SLC16A12: variants seen among roughly 807,000 people sequenced by gnomAD.
The protein encoded by SLC16A12 is monocarboxylate transporter 12.
In SLC16A12, 17 loss-of-function variants were observed where a neutral mutation model predicts 42.4. The ratio of observed to expected loss-of-function variants is 0.40; its 90% CI spans 0.27 to 0.60. SLC16A12 has a LOEUF of 0.60. Among genes scored for constraint, SLC16A12 ranks in the 20% least tolerant of loss-of-function variants. SLC16A12 has a pLI of 0.42. For synonymous variants in SLC16A12, 224 were observed against 229.4 expected (o/e 0.98, Z 0.21); for missense variants, 544 against 623.0 (o/e 0.87, Z 1.35).
chr10:89,437,663 T>C (rs1433465567), intron 6 of SLC16A12, among the ~76,000 whole-genome samples: 22 of 152,166 alleles, frequency 1.4e-4, no homozygotes, highest in Admixed American at 1.4e-3. Context: ...GAATCAATAC[T>C]AAATATCATA....
At chr10:89,484,686 G>T (rs1842720920) in intron 2 of SLC16A12, among the ~76,000 whole-genome samples, 1 of 152,168 alleles carries the variant, frequency 6.6e-6, no homozygotes, top group Non-Finnish European at 1.5e-5. Flanking sequence ...CTTAACCACT[G>T]CACTGCCCCA....
chr10:89,514,862 AG>A (rs1000675215), intron 2 of SLC16A12, among the ~76,000 whole-genome samples: 7 of 152,150 alleles, frequency 4.6e-5, no homozygotes, highest in African/African-American at 1.7e-4. Context: ...AGGCCAAGGC[AG>A]GGGGATCACC....
intron 3 of SLC16A12, 38 bp from the exon 4 acceptor site, chr10:89,443,897 A>C (rs1475241139): frequency 4.6e-6 from 6 of 1,303,908 alleles, no homozygotes; most frequent in African/African-American, 1.5e-5. Flanking sequence ...ACAAAAAATG[A>C]ATGAGCATGC....
At chr10:89,450,944 GAGAA>G (rs561712447) in intron 3 of SLC16A12, among the ~76,000 whole-genome samples, 227 of 152,224 alleles carry the variant, frequency 1.5e-3, no homozygotes, top group African/African-American at 5.3e-3. Context: ...TGCAGAGAAA[GAGAA>G]AGAAATATTT....
chr10:89,506,983 G>C (rs527936514), intron 2 of SLC16A12, among the ~76,000 whole-genome samples: 154 of 152,088 alleles, frequency 1.0e-3, no homozygotes, highest in African/African-American at 3.3e-3. Context: ...ATCAGTGATT[G>C]AAGACCAAAT....
chr10:89,498,083 G>A (rs530593110), intron 2 of SLC16A12, among the ~76,000 whole-genome samples: 1 of 152,262 alleles, frequency 6.6e-6, no homozygotes, highest in East Asian at 1.9e-4. Flanking sequence ...GCCAAGGCAG[G>A]CAGAGCCCAC....
rs141245817 is a variant in SLC16A12, at chr10:89,497,669, C to T, written c.-46-35045G>A. 9.7e-3 allele frequency among the ~76,000 whole-genome samples: 1,471 copies of T among 152,118 alleles called. 11 individuals carry two copies. Among genetic ancestry groups the T allele is most frequent in the Middle Eastern group, 0.024 (7 of 294 alleles). On this transcript the variant is annotated intron_variant, in intron 2 of 7. Transcript: ENST00000371790. ...CCTGACTTCCAATCTAGCATACATC[C>T]TCATCATGCTATTTCTATCCTCTGT...
At chr10:89,495,031 C>T (rs1842901789) in intron 2 of SLC16A12, among the ~76,000 whole-genome samples, 1 of 152,154 alleles carries the variant, frequency 6.6e-6, no homozygotes, top group South Asian at 2.1e-4. Context: ...TGTCCCACAA[C>T]TCTGGCCCTA....
intron 3 of SLC16A12, among the ~76,000 whole-genome samples, chr10:89,449,656 T>C (rs183688114): frequency 1.3e-3 from 202 of 152,252 alleles, no homozygotes; most frequent in Non-Finnish European, 5.9e-5. Context: ...ATAAAAACCC[T>C]AGAAGAAAAC....
intron 2 of SLC16A12, among the ~76,000 whole-genome samples, chr10:89,541,095 T>G (rs1317209037): frequency 6.6e-6 from 1 of 151,614 alleles, no homozygotes; most frequent in Non-Finnish European, 1.5e-5. Context: ...CTAATTTTTT[T>G]TTTTGTATTT....
At chr10:89,540,533 CTG>C (rs1843708933), upstream of SLC16A12, among the ~76,000 whole-genome samples, 1 of 152,220 alleles carries the variant, frequency 6.6e-6, no homozygotes, top group African/African-American at 2.4e-5. Flanking sequence ...AGCCTCATGA[CTG>C]TAGCTAATAC....
At chr10:89,464,279 A>G (rs1842355457) in intron 2 of SLC16A12, among the ~76,000 whole-genome samples, 1 of 152,124 alleles carries the variant, frequency 6.6e-6, no homozygotes, top group South Asian at 2.1e-4. Flanking sequence ...TCTCACTGAC[A>G]CCCTGACTGC....
intron 2 of SLC16A12, among the ~76,000 whole-genome samples, chr10:89,482,518 C>T (rs1471382168): frequency 6.6e-6 from 1 of 152,118 alleles, no homozygotes; most frequent in Non-Finnish European, 1.5e-5. Context: ...TGATGGCTCA[C>T]GCCTATAATC....
intron 2 of SLC16A12, among the ~76,000 whole-genome samples, chr10:89,519,455 G>GT (rs1843313882): frequency 1.3e-5 from 2 of 152,118 alleles, no homozygotes; most frequent in Admixed American, 1.3e-4. Context: ...CTCATAAATT[G>GT]TTTGAGAGTA....
Position 89,439,038 on chromosome 10 carries a change from A to G in SLC16A12, c.594T>C (p.Ile198=). Residue 198 remains isoleucine, a synonymous_variant, in exon 6 of 8, where the codon ATT becomes ATC. Transcript: ENST00000371790. ...FILAPVVQLL[I]EQFSWRGALL... ...AGGCTCCCCGCCAGGAAAACTGTTC[A>G]ATAAGGAGCTGAACCACAGGAGCCA... The G allele has an allele frequency of 6.2e-7, 1 of 1,614,002 alleles. No individual in the cohort carries two copies. Among genetic ancestry groups the G allele is most frequent in the Non-Finnish European group, 8.5e-7 (1 of 1,179,934 alleles).
In SLC16A12 at chr10:89,431,988, T is replaced by C. The variant is rs1289172416; in HGVS notation, c.*1076A>G. On this transcript the variant is annotated 3_prime_UTR_variant, in exon 8 of 8. Coordinates refer to ENST00000371790, the MANE Select transcript of SLC16A12 (RefSeq NM_213606.4). ...TAGAATATCTCTAGGATAATATTTTTCAGACAACTGACTCCCTCCAATCCT... is the reference window on the plus strand; with the variant it reads ...TAGAATATCTCTAGGATAATATTTTCCAGACAACTGACTCCCTCCAATCCT... 6.6e-6 allele frequency: 1 copy of C among 152,446 alleles called. No individual in the cohort carries two copies. The highest frequency in any genetic ancestry group is 1.5e-5 in the Non-Finnish European group (1 of 68,028). 9.4% of individuals were successfully genotyped at this position (152,446 alleles called of 1,614,324 possible). A position where few individuals can be genotyped will look rare whatever the true frequency, so the allele number is the denominator to read the frequency against.
chr10:89,446,831 A>C (rs2133704796), intron 3 of SLC16A12, among the ~76,000 whole-genome samples: 1 of 152,358 alleles, frequency 6.6e-6, no homozygotes, highest in African/African-American at 2.4e-5. Flanking sequence ...TAAAGAGTCA[A>C]GAGCCATCAG....
intron 2 of SLC16A12, among the ~76,000 whole-genome samples, chr10:89,517,002 C>A (rs926835046): frequency 6.6e-6 from 1 of 152,136 alleles, no homozygotes; most frequent in Non-Finnish European, 1.5e-5. Context: ...GCAGGAGGAT[C>A]GTTTGAGGCC....
At chr10:89,552,146 G>A (rs576435601) in intron 2 of SLC16A12, among the ~76,000 whole-genome samples, 51 of 152,214 alleles carry the variant, frequency 3.4e-4, no homozygotes, top group South Asian at 1.7e-3. Flanking sequence ...ATATTGGCCG[G>A]GCTGGTCTTG....
Sources: gnomAD v4.1 joint callset for allele counts (sites outside exome capture counted in the v4.1 genomes callset) on GRCh38, gnomAD v4.1.1 for gene constraint, MANE v1.5 for transcripts, NCBI Gene and HGNC (gene_info 2026-07-23, HGNC 2026-07-21) for gene names.